OPCML: variants seen among roughly 807,000 people sequenced by gnomAD.
OPCML encodes the protein opioid-binding protein/cell adhesion molecule.
A neutral mutation model predicts 37.8 loss-of-function variants in OPCML; 13 were observed. That is an observed-to-expected ratio of 0.34 (90% CI 0.22 to 0.55). OPCML has a LOEUF of 0.55. Among genes scored for constraint, OPCML ranks in the 20% least tolerant of loss-of-function variants. The pLI, the probability that OPCML is intolerant of heterozygous loss-of-function variation, is 0.91. For missense variants in OPCML, 341 were observed against 435.6 expected (o/e 0.78, Z 1.93); for synonymous variants, 176 against 168.8 (o/e 1.04, Z -0.33).
chr11:132,914,238 T>G (rs878908173), intron 2 of OPCML, among the ~76,000 whole-genome samples: 10 of 152,198 alleles, frequency 6.6e-5, no homozygotes, highest in Admixed American at 4.6e-4. Context: ...CTGCTCCAGA[T>G]CCACGACTGA....
In OPCML at chr11:132,444,798, G is replaced by A. The variant is rs150525769; in HGVS notation, c.506-7439C>T. On this transcript the variant is annotated intron_variant, in intron 4 of 7. Coordinates refer to ENST00000524381, the MANE Select transcript of OPCML (RefSeq NM_001012393.5). The stretch of plus-strand genomic sequence containing the variant: ...ACTGGCAACAAGCAACTCTGAGCCC[G>A]CCCTCCTTAATTAAACCAAGGAATG... 5.5e-4 allele frequency among the ~76,000 whole-genome samples: 83 copies of A among 152,134 alleles called. 1 individual carries two copies. Among genetic ancestry groups the A allele is most frequent in the Non-Finnish European group, 1.1e-3 (73 of 68,004 alleles).
chr11:132,558,734 A>T (rs1240048489), intron 3 of OPCML, among the ~76,000 whole-genome samples: 1 of 151,816 alleles, frequency 6.6e-6, no homozygotes, highest in Non-Finnish European at 1.5e-5. Flanking sequence ...ATCATTCTAA[A>T]TGGCATAGCA....
chr11:133,361,963 C>A (rs1412770884), intron 1 of OPCML: 1 of 152,276 alleles, frequency 6.6e-6, no homozygotes, highest in South Asian at 2.1e-4. Flanking sequence ...ACCATGCCGC[C>A]GTCCGAGGAG....
At chr11:133,511,324 T>C (rs1948151907) in intron 1 of OPCML, among the ~76,000 whole-genome samples, 1 of 152,184 alleles carries the variant, frequency 6.6e-6, no homozygotes, top group Admixed American at 6.5e-5. Flanking sequence ...CTGCTAAAAA[T>C]CTGAATGAGC....
At chr11:133,313,218 C>A (rs1470302238) in intron 1 of OPCML, among the ~76,000 whole-genome samples, 4 of 152,128 alleles carry the variant, frequency 2.6e-5, no homozygotes, top group Non-Finnish European at 5.9e-5. Context: ...CAAAGCTTAG[C>A]ACATAATAGG....
At chr11:132,971,881 G>T (rs1946350409) in intron 1 of OPCML, among the ~76,000 whole-genome samples, 2 of 152,128 alleles carry the variant, frequency 1.3e-5, no homozygotes, top group Admixed American at 6.5e-5. Context: ...AATCTAGCCT[G>T]ACACCTTGTA....
At chr11:132,782,906 A>AG (rs1947078918) in intron 2 of OPCML, among the ~76,000 whole-genome samples, 2 of 116,290 alleles carry the variant, frequency 1.7e-5, no homozygotes, top group Admixed American at 2.0e-4. Context: ...TGTAATATAT[A>AG]TATAGTGTGT....
intron 1 of OPCML, among the ~76,000 whole-genome samples, chr11:132,980,492 CTAAGTA>C (rs1337014931): frequency 3.9e-5 from 6 of 152,146 alleles, no homozygotes; most frequent in Admixed American, 6.5e-5. Flanking sequence ...TGTATTTGTT[CTAAGTA>C]TTTCTTATTT....
intron 1 of OPCML, chr11:133,418,530 G>A (rs539397103): frequency 1.1e-6 from 1 of 899,488 alleles, no homozygotes; most frequent in Admixed American, 6.2e-5. Context: ...GACAGTAGGA[G>A]AAACCTGACA....
chr11:132,961,261 AC>A (rs1303867812), intron 1 of OPCML, among the ~76,000 whole-genome samples: 1 of 152,224 alleles, frequency 6.6e-6, no homozygotes, highest in Non-Finnish European at 1.5e-5. Context: ...GTTTCTAAGC[AC>A]ATTGATGCCG....
chr11:133,490,656 A>G (rs938172318), intron 1 of OPCML, among the ~76,000 whole-genome samples: 1 of 152,068 alleles, frequency 6.6e-6, no homozygotes, highest in Non-Finnish European at 1.5e-5. Flanking sequence ...ATGGTCTTCC[A>G]ATGACTTTCC....
chr11:132,690,167 T>C (rs1393390405), intron 2 of OPCML, among the ~76,000 whole-genome samples: 1 of 152,176 alleles, frequency 6.6e-6, no homozygotes, highest in African/African-American at 2.4e-5. Flanking sequence ...CTCAAACTCC[T>C]GGGTTCAAGT....
intron 1 of OPCML, among the ~76,000 whole-genome samples, chr11:133,064,431 A>G (rs1352994053): frequency 2.0e-5 from 3 of 152,208 alleles, no homozygotes; most frequent in Non-Finnish European, 4.4e-5. Flanking sequence ...AGCTGTGGCA[A>G]CAGTTGATCT....
chr11:133,095,275 A>ATTT lies in OPCML; in HGVS notation c.62-152266_62-152265insAAA, dbSNP rs1214349245. 9.0e-4 allele frequency among the ~76,000 whole-genome samples: 88 copies of ATTT among 97,764 alleles called. 1 individual carries two copies. The highest frequency in any genetic ancestry group is 4.3e-3 in the African/African-American group (84 of 19,608). The allele number at this position is 97,764 out of a possible 152,430, so 64.1% of individuals were successfully genotyped here. A position where few individuals can be genotyped will look rare whatever the true frequency, so the allele number is the denominator to read the frequency against. ...TGAGACTAAGATGATTTTAATGTAA[A>ATTT]TGTTTTTTTTTTTTTTTTTTTTTTT... On this transcript the variant is annotated intron_variant, in intron 1 of 7. Coordinates refer to ENST00000524381, the MANE Select transcript of OPCML (RefSeq NM_001012393.5).
intron 3 of OPCML, among the ~76,000 whole-genome samples, chr11:132,631,059 A>C (rs1033460838): frequency 5.3e-5 from 8 of 152,122 alleles, no homozygotes; most frequent in African/African-American, 1.7e-4. Flanking sequence ...AAGAAACTCA[A>C]AATTAGGCAA....
intron 1 of OPCML, among the ~76,000 whole-genome samples, chr11:133,125,960 G>GTA (rs571930113): frequency 2.3e-4 from 33 of 146,556 alleles, no homozygotes; most frequent in East Asian, 4.0e-4. Context: ...TGTATATAGT[G>GTA]TATATATATA....
At chr11:133,118,617 T>C (rs909161225) in intron 1 of OPCML, among the ~76,000 whole-genome samples, 1 of 151,632 alleles carries the variant, frequency 6.6e-6, no homozygotes, top group Non-Finnish European at 1.5e-5. Context: ...CACAAGATGC[T>C]CTCTTCTCAC....
At chr11:133,228,040 G>A (rs570621069) in intron 1 of OPCML, among the ~76,000 whole-genome samples, 1 of 152,282 alleles carries the variant, frequency 6.6e-6, no homozygotes, top group South Asian at 2.1e-4. Context: ...AACTTCTTAG[G>A]TGAGGTTTTC....
At chr11:133,516,904 A>G (rs115762373) in intron 1 of OPCML, among the ~76,000 whole-genome samples, 167 of 152,342 alleles carry the variant, frequency 1.1e-3, no homozygotes, top group African/African-American at 3.9e-3. Context: ...TTTTTACCAC[A>G]AAGGTAGCAT....
Sources: gnomAD v4.1 joint callset for allele counts (sites outside exome capture counted in the v4.1 genomes callset) on GRCh38, gnomAD v4.1.1 for gene constraint, MANE v1.5 for transcripts, NCBI Gene and HGNC (gene_info 2026-07-23, HGNC 2026-07-21) for gene names.